ARHGEF10: variants seen among roughly 807,000 people sequenced by gnomAD.
The protein encoded by ARHGEF10 is Rho guanine nucleotide exchange factor 10.
Under a neutral mutation model 147.4 loss-of-function variants are expected in ARHGEF10, and 140 were observed. The ratio of observed to expected loss-of-function variants is 0.95; its 90% CI spans 0.83 to 1.09. The LOEUF is 1.09. Among genes scored for constraint, ARHGEF10 ranks in the 50% least tolerant of loss-of-function variants. The pLI, the probability that ARHGEF10 is intolerant of heterozygous loss-of-function variation, is 0.00. For synonymous variants in ARHGEF10, 902 were observed against 695.8 expected (o/e 1.30, Z -4.67); for missense variants, 2,222 against 1,752.7 (o/e 1.27, Z -4.78).
At chr8:1,956,149 G>A (rs1020642414) in intron 28 of ARHGEF10, among the ~76,000 whole-genome samples, 7 of 152,220 alleles carry the variant, frequency 4.6e-5, no homozygotes, top group African/African-American at 1.4e-4. Context: ...CAGTGTGGGG[G>A]TTGCGGGGCT....
intron 2 of ARHGEF10, among the ~76,000 whole-genome samples, chr8:1,850,116 G>A (rs1410193128): frequency 7.3e-6 from 1 of 136,860 alleles, no homozygotes; most frequent in South Asian, 2.3e-4. Context: ...CCGGCTGCAT[G>A]GACACAGAGG....
At chr8:1,952,491 AG>A (rs1815136230) in intron 27 of ARHGEF10, among the ~76,000 whole-genome samples, 2 of 152,238 alleles carry the variant, frequency 1.3e-5, no homozygotes, top group Non-Finnish European at 2.9e-5. Context: ...TGTTCTGTTC[AG>A]GTGCAGGTGC....
At position 1,849,620 on chromosome 8, in the gene ARHGEF10, G is replaced by A. The variant is rs573818139; in HGVS notation, c.37+6184G>A. ...ACAGACGGCAAATGCTGAGGAGGGCGTGGGGCAGTCGTGTGGACACAGACG... is the reference window on the plus strand; with the variant it reads ...ACAGACGGCAAATGCTGAGGAGGGCATGGGGCAGTCGTGTGGACACAGACG... On this transcript the variant is annotated intron_variant, in intron 2 of 28. Coordinates refer to ENST00000349830, the MANE Select transcript of ARHGEF10 (RefSeq NM_014629.4). Among the ~76,000 whole-genome samples the A allele has an allele frequency of 9.4e-4, 138 of 147,332 alleles. 1 individual carries two copies. The highest frequency in any genetic ancestry group is 2.3e-3 in the African/African-American group (91 of 39,490).
intron 8 of ARHGEF10, among the ~76,000 whole-genome samples, chr8:1,878,439 C>T (rs775418822): frequency 9.2e-5 from 14 of 152,184 alleles, no homozygotes; most frequent in Non-Finnish European, 1.8e-4. Context: ...CCTGCCTCAG[C>T]CCTCCAAAGT....
chr8:1,839,649 TCCGCTGTGGGTACTGTCTGGTGTGGAAA>T (rs1388704192), intron 1 of ARHGEF10, among the ~76,000 whole-genome samples: 2 of 130,336 alleles, frequency 1.5e-5, no homozygotes, highest in African/African-American at 3.2e-5. Context: ...GTGGGGACTG[TCCGCTGTGGGTACTGTCTGGTGTGGAAA>T]CTGGTGTGGG....
intron 28 of ARHGEF10, among the ~76,000 whole-genome samples, chr8:1,953,580 C>G (rs1426674622): frequency 6.6e-6 from 1 of 152,134 alleles, no homozygotes; most frequent in African/African-American, 2.4e-5. Flanking sequence ...AGGAAACAGC[C>G]TAAGCTAGGA....
intron 2 of ARHGEF10, among the ~76,000 whole-genome samples, chr8:1,855,474 T>C (rs900421941): frequency 2.0e-5 from 3 of 152,104 alleles, no homozygotes; most frequent in African/African-American, 7.2e-5. Flanking sequence ...TTCCGCTTAC[T>C]GGGTTCAGGT....
chr8:1,924,021 C>A, intron 21 of ARHGEF10, 147 bp downstream of exon 21: 1 of 813,600 alleles, frequency 1.2e-6, no homozygotes, highest in South Asian at 1.4e-5. Context: ...GAAAATTCAC[C>A]CTGGCACCGG....
chr8:1,908,361 G>T (rs4876275), intron 17 of ARHGEF10, among the ~76,000 whole-genome samples: 68,902 of 150,740 alleles, frequency 0.46, 16,079 homozygotes, highest in South Asian at 0.53. Flanking sequence ...CTCCCTAGTA[G>T]CTGGGACTAC....
intron 28 of ARHGEF10, among the ~76,000 whole-genome samples, chr8:1,954,893 C>T (rs6994044): frequency 0.34 from 51,161 of 150,832 alleles, 9,836 homozygotes; most frequent in East Asian, 0.55. Context: ...GTGCTTTCCT[C>T]TCCCTGCCTG....
At chr8:1,931,965 C>T (rs547524103) in intron 25 of ARHGEF10, among the ~76,000 whole-genome samples, 19 of 152,094 alleles carry the variant, frequency 1.2e-4, no homozygotes, top group Non-Finnish European at 1.9e-4. Context: ...AGTAGGCCAT[C>T]GTGTCATTGA....
chr8:1,846,538 A>G (rs1323081210), intron 2 of ARHGEF10, among the ~76,000 whole-genome samples: 3 of 152,134 alleles, frequency 2.0e-5, no homozygotes, highest in Non-Finnish European at 1.5e-5. Flanking sequence ...TTTTTTCCCC[A>G]TATTTCTTTT....
intron 11 of ARHGEF10, among the ~76,000 whole-genome samples, chr8:1,888,208 TGGGGCGAGGG>T (rs1808924051): frequency 1.5e-5 from 1 of 68,266 alleles, no homozygotes; most frequent in African/African-American, 7.7e-5. Context: ...AGACACTTAG[TGGGGCGAGGG>T]TTGCGAGGAG....
chr8:1,892,314 TG>T (rs1232183075), intron 11 of ARHGEF10, among the ~76,000 whole-genome samples: 1 of 150,458 alleles, frequency 6.6e-6, no homozygotes, highest in African/African-American at 2.4e-5. Flanking sequence ...TGTGTGTGTG[TG>T]TGTGTGTGTG....
chr8:1,923,493 A>G lies in ARHGEF10; in HGVS notation c.2285A>G (p.Asp762Gly). The G allele has an allele frequency of 6.2e-7, 1 of 1,614,136 alleles. No individual in the cohort carries two copies. The highest frequency in any genetic ancestry group is 8.5e-7 in the Non-Finnish European group (1 of 1,180,036). Residue 762 changes from aspartate to glycine, a missense_variant, in exon 20 of 29, where the codon GAC (aspartate) becomes GGC (glycine). Asp to Gly is a moderately conservative substitution (Grantham distance 94, BLOSUM62 -1). Transcript: ENST00000349830. ...AACTTAAACCAGTCAGTAGCCCATG[A>G]CTGGACATCAGGTTTACAAAGGCTT... is the stretch of plus-strand genomic sequence containing the variant. ...YQNLNQSVAH[D>G]WTSGLQRLIL...
rs200988643 is a variant in ARHGEF10 at position 1,876,184 on chromosome 8, TTC to T, written c.680-381_680-380del. ...GACATGCCTATCATCTGTCCACCAT[TTC>T]TCTCTGTCTAATTTTCAAAACATCC... is the stretch of plus-strand genomic sequence containing the variant. On this transcript the variant is annotated intron_variant, in intron 7 of 28. Coordinates refer to ENST00000349830, the MANE Select transcript of ARHGEF10 (RefSeq NM_014629.4). 401 of 291,576 alleles carry T rather than the reference TTC, an allele frequency of 1.4e-3. 2 individuals are homozygous for T. Among genetic ancestry groups the T allele is most frequent in the African/African-American group, 8.2e-3 (379 of 46,310 alleles). 18.1% of individuals were successfully genotyped at this position (291,576 alleles called of 1,614,324 possible). A position where few individuals can be genotyped will look rare whatever the true frequency, so the allele number is the denominator to read the frequency against.
rs1239092165 is a variant in ARHGEF10 at position 1,948,685 on chromosome 8, G to T, written c.3397+3030G>T. Among the ~76,000 whole-genome samples the T allele has an allele frequency of 6.6e-6, 1 of 152,356 alleles. No individual in the cohort carries two copies. The highest frequency in any genetic ancestry group is 1.9e-4 in the East Asian group (1 of 5,188). ...GCATTTTGTGACTCAGAGGGAATGA[G>T]CAGGCCAGAGAGTCCTTTCCTCCAG... On this transcript the variant is annotated intron_variant, in intron 27 of 28. Coordinates refer to ENST00000349830, the MANE Select transcript of ARHGEF10 (RefSeq NM_014629.4). The surrounding 1 kb of genome is among the most constrained non-coding windows in gnomAD (Gnocchi z 4.9).
intron 27 of ARHGEF10, chr8:1,946,034 C>G: frequency 2.6e-6 from 1 of 387,178 alleles, no homozygotes; most frequent in Non-Finnish European, 4.9e-6. Context: ...GGAGGCCTCC[C>G]TTTGGCTGGG....
chr8:1,949,569 T>C (rs946644275), intron 27 of ARHGEF10, among the ~76,000 whole-genome samples: 3 of 152,150 alleles, frequency 2.0e-5, no homozygotes, highest in African/African-American at 7.2e-5. Flanking sequence ...GGGAAAGTGC[T>C]GAGACACATG....
Sources: gnomAD v4.1 joint callset for allele counts (sites outside exome capture counted in the v4.1 genomes callset) on GRCh38, gnomAD v4.1.1 for gene constraint, Gnocchi (gnomAD v3.1) non-coding constraint, MANE v1.5 for transcripts, NCBI Gene and HGNC (gene_info 2026-07-23, HGNC 2026-07-21) for gene names.